The following DGKI variants were observed in gnomAD, a reference collection of about 807,000 sequenced individuals.
DGKI encodes the protein diacylglycerol kinase iota, also known as DAG kinase iota.
A neutral mutation model predicts 147.5 loss-of-function variants in DGKI; 55 were observed. The ratio of observed to expected loss-of-function variants is 0.37; its 90% CI spans 0.30 to 0.47. The LOEUF is 0.47. DGKI is among the 20% of genes least tolerant of loss of function. The probability of loss-of-function intolerance (pLI) is 1.00; values close to 1 mark genes in which losing one functional copy is unlikely to be tolerated. For missense variants in DGKI, 1,007 were observed against 1,323.8 expected, an observed-to-expected ratio of 0.76 and a Z score of 3.71; for synonymous variants, 469 against 477.1, an observed-to-expected ratio of 0.98 and a Z score of 0.22.
chr7:137,698,164 C>A (rs1254770423), intron 1 of DGKI, among the ~76,000 whole-genome samples: 1 of 149,332 alleles, frequency 6.7e-6, no homozygotes, highest in East Asian at 2.0e-4. Context: ...ATATATATAT[C>A]TCCAGATAGA....
chr7:137,565,931 G>A (rs1166738194), intron 19 of DGKI, among the ~76,000 whole-genome samples: 1 of 152,082 alleles, frequency 6.6e-6, no homozygotes, highest in African/African-American at 2.4e-5. Flanking sequence ...AAGATAAAGA[G>A]TCTAAAAGAA....
At chr7:137,552,864 G>C (rs567886759) in intron 19 of DGKI, among the ~76,000 whole-genome samples, 1 of 152,028 alleles carries the variant, frequency 6.6e-6, no homozygotes, top group Non-Finnish European at 1.5e-5. Context: ...GCAGTGAGCC[G>C]AGGTCAAGCC....
chr7:137,619,093 T>C (rs1022709270), intron 8 of DGKI, among the ~76,000 whole-genome samples: 1 of 152,198 alleles, frequency 6.6e-6, no homozygotes, highest in African/African-American at 2.4e-5. Flanking sequence ...AAGGGAGGTA[T>C]AGTCTCTCTT....
intron 23 of DGKI, among the ~76,000 whole-genome samples, chr7:137,470,280 C>CT (rs1814829041): frequency 6.6e-6 from 1 of 152,200 alleles, no homozygotes; most frequent in African/African-American, 2.4e-5. Flanking sequence ...CTAGGCGTCT[C>CT]ATTTCTATGA....
chr7:137,708,756 G>C (rs567717830), intron 1 of DGKI, among the ~76,000 whole-genome samples: 3 of 152,264 alleles, frequency 2.0e-5, no homozygotes, highest in South Asian at 4.1e-4. Flanking sequence ...ATTGCTAATA[G>C]ATATAGATCT....
At chr7:137,637,756 G>A (rs190164381) in intron 6 of DGKI, among the ~76,000 whole-genome samples, 1 of 152,176 alleles carries the variant, frequency 6.6e-6, no homozygotes, top group African/African-American at 2.4e-5. Context: ...TCACTGTGGT[G>A]GTCAATTTAA....
chr7:137,680,614 T>C (rs1823201900), intron 2 of DGKI, among the ~76,000 whole-genome samples: 1 of 152,010 alleles, frequency 6.6e-6, no homozygotes, highest in Admixed American at 6.5e-5. Context: ...ACCCCATCTC[T>C]ACTAAACATA....
intron 23 of DGKI, among the ~76,000 whole-genome samples, chr7:137,478,230 T>C (rs1438767178): frequency 6.6e-6 from 1 of 152,126 alleles, no homozygotes; most frequent in Non-Finnish European, 1.5e-5. Flanking sequence ...GAAATGCATA[T>C]TGTATGGGTT....
intron 1 of DGKI, among the ~76,000 whole-genome samples, chr7:137,821,899 C>T (rs900913744): frequency 6.6e-6 from 1 of 152,160 alleles, no homozygotes; most frequent in African/African-American, 2.4e-5. Flanking sequence ...GAGCCAAAAA[C>T]AGGAAGAATC....
At chr7:137,611,500 AAC>A (rs1311341058) in intron 8 of DGKI, among the ~76,000 whole-genome samples, 1 of 152,194 alleles carries the variant, frequency 6.6e-6, no homozygotes, top group South Asian at 2.1e-4. Context: ...GCAGAAGATG[AAC>A]AGAGACAGGA....
Position 137,466,055 on chromosome 7 carries a change from C to G in DGKI, c.2485-20G>C. 5 of 1,612,238 alleles carry G rather than the reference C, an allele frequency of 3.1e-6. No homozygotes were observed. The highest frequency in any genetic ancestry group is 8.5e-7 in the Non-Finnish European group (1 of 1,178,880). The stretch of plus-strand genomic sequence containing the variant: ...ATGTTCCTAAAGAAGAACAAGAAGT[C>G]TGTTGCATGAAGAATAACAAAACAA... On this transcript the variant is annotated intron_variant, in intron 25 of 32. Transcript: ENST00000614521.
At chr7:137,403,312 T>C (rs1450213991) in intron 30 of DGKI, among the ~76,000 whole-genome samples, 2 of 152,140 alleles carry the variant, frequency 1.3e-5, no homozygotes, top group Non-Finnish European at 2.9e-5. Context: ...AGGAAGAAGA[T>C]GCAAGCCGAA....
At chr7:137,630,722 T>A (rs541353501) in intron 6 of DGKI, among the ~76,000 whole-genome samples, 111 of 152,330 alleles carry the variant, frequency 7.3e-4, no homozygotes, top group African/African-American at 2.6e-3. Context: ...TATCCTGATA[T>A]TAGGACAAAA....
At chr7:137,513,940 G>A (rs183917213) in intron 21 of DGKI, 8,132 of 813,110 alleles carry the variant, frequency 0.01, 73 homozygotes, top group South Asian at 0.018. Flanking sequence ...CAAGTAAACC[G>A]CTAGCTTGTT....
At chr7:137,643,445 G>T (rs931346734) in intron 6 of DGKI, among the ~76,000 whole-genome samples, 6 of 152,128 alleles carry the variant, frequency 3.9e-5, no homozygotes, top group African/African-American at 1.4e-4. Flanking sequence ...GTCCAGGGTG[G>T]AAGCTGGAAT....
At chr7:137,807,569 GT>G (rs1797421122) in intron 1 of DGKI, among the ~76,000 whole-genome samples, 1 of 152,098 alleles carries the variant, frequency 6.6e-6, no homozygotes, top group African/African-American at 2.4e-5. Flanking sequence ...AAACTTTCAC[GT>G]GCTCACAAAT....
intron 14 of DGKI, 40 bp from the exon 15 acceptor site, chr7:137,581,968 G>C: frequency 6.5e-7 from 1 of 1,536,344 alleles, no homozygotes; most frequent in Non-Finnish European, 9.0e-7. Flanking sequence ...ATTTTGTGTG[G>C]CCAGGCAGAA....
intron 28 of DGKI, among the ~76,000 whole-genome samples, chr7:137,427,114 C>A (rs56780361): frequency 0.017 from 2,562 of 151,002 alleles, 71 homozygotes; most frequent in African/African-American, 0.059. Flanking sequence ...TCAGCACCAC[C>A]CCACACCTAT....
chr7:137,814,264 C>T (rs967775835), intron 1 of DGKI, among the ~76,000 whole-genome samples: 1 of 152,118 alleles, frequency 6.6e-6, no homozygotes, highest in African/African-American at 2.4e-5. Flanking sequence ...AACAGCTCCT[C>T]TGCACTGGAA....
Sources: allele counts gnomAD v4.1 joint callset (sites outside exome capture counted in the v4.1 genomes callset), GRCh38; gene constraint gnomAD v4.1.1; transcripts MANE v1.5; gene names NCBI Gene and HGNC (gene_info 2026-07-23, HGNC 2026-07-21).